Variants in KCND2 observed in about 807,000 individuals in gnomAD.
KCND2 encodes potassium voltage-gated channel subfamily D member 2.
A neutral mutation model predicts 54.4 loss-of-function variants in KCND2; 16 were observed. The observed-to-expected ratio is 0.29, with a 90% confidence interval of 0.20 to 0.45. The LOEUF is 0.45. Among genes scored for constraint, KCND2 ranks in the 20% least tolerant of loss-of-function variants. The pLI is 1.00. For synonymous variants in KCND2, 317 were observed against 310.7 expected, an observed-to-expected ratio of 1.02 and a Z score of -0.21; for missense variants, 486 against 824.2, an observed-to-expected ratio of 0.59 and a Z score of 5.02.
At chr7:120,350,005 CTA>C (rs1174381566) in intron 1 of KCND2, among the ~76,000 whole-genome samples, 1 of 151,784 alleles carries the variant, frequency 6.6e-6, no homozygotes, top group Non-Finnish European at 1.5e-5. Flanking sequence ...ATGAATGTGT[CTA>C]TGTTATTTAT....
rs535053389 is a variant in KCND2 at position 120,366,345 on chromosome 7, C to T, written c.1115+90598C>T. Reference sequence around the variant, plus strand: ...ATTGAAAATACAAAAAATAGCTGGACGTGGTGGCGCATGCCTGTATTCTCA... The same window carrying T: ...ATTGAAAATACAAAAAATAGCTGGATGTGGTGGCGCATGCCTGTATTCTCA... On this transcript the variant is annotated intron_variant, in intron 1 of 5. Coordinates refer to ENST00000331113, the MANE Select transcript of KCND2 (RefSeq NM_012281.3). 9.2e-5 allele frequency among the ~76,000 whole-genome samples: 14 copies of T among 151,678 alleles called. No homozygotes were observed. The South Asian group carries it at 1.5e-3, about 16-fold the overall frequency.
intron 1 of KCND2, among the ~76,000 whole-genome samples, chr7:120,578,594 C>T (rs1415203118): frequency 2.6e-5 from 4 of 152,044 alleles, no homozygotes; most frequent in Non-Finnish European, 5.9e-5. Flanking sequence ...TAGCCAGGCG[C>T]AGTGGTTCAC....
chr7:120,287,278 C>A (rs371899593), intron 1 of KCND2, among the ~76,000 whole-genome samples: 3 of 151,938 alleles, frequency 2.0e-5, no homozygotes, highest in African/African-American at 7.3e-5. Flanking sequence ...ACATAACTCC[C>A]AGATGATTGT....
intron 1 of KCND2, among the ~76,000 whole-genome samples, chr7:120,471,498 A>G (rs1482984505): frequency 6.6e-6 from 1 of 152,098 alleles, no homozygotes; most frequent in Non-Finnish European, 1.5e-5. Context: ...GGAATCACCT[A>G]CATTTGATAT....
chr7:120,612,543 G>C (rs117157693), intron 1 of KCND2, among the ~76,000 whole-genome samples: 1,782 of 152,242 alleles, frequency 0.012, 15 homozygotes, highest in Non-Finnish European at 0.02. Flanking sequence ...TACAAACTTT[G>C]TTGTATTATT....
chr7:120,507,533 A>G (rs1240536451), intron 1 of KCND2, among the ~76,000 whole-genome samples: 1 of 151,928 alleles, frequency 6.6e-6, no homozygotes, highest in African/African-American at 2.4e-5. Flanking sequence ...AATTTTCCTT[A>G]TGGAATGTGA....
At chr7:120,517,897 T>C (rs1414421880) in intron 1 of KCND2, among the ~76,000 whole-genome samples, 1 of 152,188 alleles carries the variant, frequency 6.6e-6, no homozygotes, top group Non-Finnish European at 1.5e-5. Flanking sequence ...AATTTTACAC[T>C]GGCATGTACC....
intron 1 of KCND2, among the ~76,000 whole-genome samples, chr7:120,521,947 G>T (rs532643977): frequency 7.2e-5 from 11 of 152,236 alleles, no homozygotes; most frequent in African/African-American, 2.6e-4. Flanking sequence ...TTGCCTGAAG[G>T]CAAACTCTGC....
chr7:120,616,182 G>A (rs1793021436), intron 1 of KCND2, among the ~76,000 whole-genome samples: 1 of 152,076 alleles, frequency 6.6e-6, no homozygotes. Context: ...CAGTTCTGAA[G>A]TCAAATTACC....
intron 1 of KCND2, among the ~76,000 whole-genome samples, chr7:120,707,519 GA>G (rs1792484866): frequency 6.6e-6 from 1 of 152,086 alleles, no homozygotes; most frequent in Non-Finnish European, 1.5e-5. Flanking sequence ...AGCAAAAGTT[GA>G]AGTGAAAAAC....
At chr7:120,503,689 G>A (rs146394216) in intron 1 of KCND2, among the ~76,000 whole-genome samples, 1 of 151,834 alleles carries the variant, frequency 6.6e-6, no homozygotes, top group African/African-American at 2.4e-5. Flanking sequence ...ATTTAGTTCC[G>A]TCTCGATCCC....
intron 1 of KCND2, among the ~76,000 whole-genome samples, chr7:120,532,061 G>A (rs1278582423): frequency 2.0e-5 from 3 of 151,948 alleles, no homozygotes; most frequent in African/African-American, 7.2e-5. Flanking sequence ...AGTTGAGGAG[G>A]ACTAAATTCT....
intron 1 of KCND2, among the ~76,000 whole-genome samples, chr7:120,585,300 A>G (rs1055931152): frequency 6.6e-6 from 1 of 152,136 alleles, no homozygotes; most frequent in Admixed American, 6.5e-5. Context: ...GAGGCAGAGA[A>G]ACAGAAGGGG....
intron 1 of KCND2, among the ~76,000 whole-genome samples, chr7:120,454,172 C>A (rs1802161216): frequency 6.6e-6 from 1 of 151,736 alleles, no homozygotes; most frequent in African/African-American, 2.4e-5. Context: ...AGAAAACTAA[C>A]CCCAAAGCTA....
chr7:120,603,610 C>A (rs1584850175), intron 1 of KCND2, among the ~76,000 whole-genome samples: 2 of 152,170 alleles, frequency 1.3e-5, no homozygotes, highest in South Asian at 2.1e-4. Flanking sequence ...GGCATTGGAT[C>A]AAATCCTAGC....
At chr7:120,432,501 GCA>G (rs10574734) in intron 1 of KCND2, among the ~76,000 whole-genome samples, 23,674 of 137,130 alleles carry the variant, frequency 0.17, 2,915 homozygotes, top group East Asian at 0.53. Flanking sequence ...GTGAATACAC[GCA>G]CACACACACA....
At chr7:120,492,564 C>T (rs1802799647) in intron 1 of KCND2, among the ~76,000 whole-genome samples, 1 of 151,966 alleles carries the variant, frequency 6.6e-6, no homozygotes, top group Admixed American at 6.6e-5. Context: ...CTGGCAAAGT[C>T]CCACTTTGTA....
At position 120,273,423 on chromosome 7, in the gene KCND2, C is replaced by A. The variant is rs1455344995; in HGVS notation, c.-1210C>A. Among the ~76,000 whole-genome samples, 1 of 147,846 alleles carries A rather than the reference C, an allele frequency of 6.8e-6. No individual in the cohort carries two copies. The highest frequency in any genetic ancestry group is 6.7e-5 in the Admixed American group (1 of 14,864). On this transcript the variant is annotated 5_prime_UTR_variant, in exon 1 of 6. Transcript: ENST00000331113. ...GCCGCCCGCCCGGCCGCCCCGCAGC[C>A]CCGCCGCCCCGCAGCCCCGCACCGC...
chr7:120,563,944 G>T (rs1031863257), intron 1 of KCND2, among the ~76,000 whole-genome samples: 2 of 152,098 alleles, frequency 1.3e-5, no homozygotes, highest in Non-Finnish European at 2.9e-5. Context: ...TGCTGAAATT[G>T]CCTCTTTACA....
Sources: gnomAD v4.1 joint callset for allele counts (sites outside exome capture counted in the v4.1 genomes callset) on GRCh38, gnomAD v4.1.1 for gene constraint, MANE v1.5 for transcripts, NCBI Gene and HGNC (gene_info 2026-07-23, HGNC 2026-07-21) for gene names.